MMD2: variants seen among roughly 807,000 people sequenced by gnomAD.
The protein encoded by MMD2 is monocyte to macrophage differentiation factor 2.
In MMD2, 30 loss-of-function variants were observed where a neutral mutation model predicts 33.5. The observed-to-expected ratio is 0.90, with a 90% CI of 0.67 to 1.22. MMD2 has a LOEUF of 1.22. MMD2 is among the 50% of genes most tolerant of loss of function. The pLI is 0.00. For synonymous variants in MMD2, 129 were observed against 123.0 expected (o/e 1.05, Z -0.32); for missense variants, 364 against 325.4 (o/e 1.12, Z -0.91).
chr7:4,937,725 C>G (rs1481161971), intron 1 of MMD2, among the ~76,000 whole-genome samples: 1 of 151,946 alleles, frequency 6.6e-6, no homozygotes, highest in Non-Finnish European at 1.5e-5. Flanking sequence ...CCAGGCTGGT[C>G]TCAAACTCCA....
chr7:4,908,868 C>T (rs954892866), intron 6 of MMD2, among the ~76,000 whole-genome samples: 21 of 147,102 alleles, frequency 1.4e-4, no homozygotes, highest in African/African-American at 4.9e-4. Flanking sequence ...CTGCATTCCA[C>T]GCTGGGCAAC....
intron 1 of MMD2, among the ~76,000 whole-genome samples, chr7:4,933,212 A>G (rs1785640988): frequency 6.6e-6 from 1 of 151,360 alleles, no homozygotes; most frequent in Non-Finnish European, 1.5e-5. Flanking sequence ...ATATTAAAAA[A>G]TTACCTGGGT....
Position 4,946,195 on chromosome 7 carries a change from CCA to C in MMD2, c.47+12774_47+12775del, listed in dbSNP as rs1009618666. Among the ~76,000 whole-genome samples the C allele has an allele frequency of 1.1e-4, 16 of 150,380 alleles. No individual in the cohort carries two copies. Among genetic ancestry groups the C allele is most frequent in the Middle Eastern group, 6.8e-3 (2 of 294 alleles). ...CACATGCACACACACGCGCGCACAC[CCA>C]CACACACGCATGCACACACATGCAC... On this transcript the variant is annotated intron_variant, in intron 1 of 6. Coordinates refer to ENST00000401401, the MANE Select transcript of MMD2 (RefSeq NM_198403.4). The surrounding 1 kb of genome is among the most constrained non-coding windows in gnomAD (Gnocchi z 5.0).
At chr7:4,939,829 C>T (rs1474976870) in intron 1 of MMD2, among the ~76,000 whole-genome samples, 1 of 151,666 alleles carries the variant, frequency 6.6e-6, no homozygotes, top group Non-Finnish European at 1.5e-5. Flanking sequence ...CAACCTCTGC[C>T]TTCCAGGTTC....
chr7:4,907,636 G>C, intron 6 of MMD2, 37 bp from the exon 7 acceptor site: 17 of 1,605,456 alleles, frequency 1.1e-5, no homozygotes, highest in Non-Finnish European at 1.3e-5. Context: ...CAGGTCAGAG[G>C]GGCAGTCAGT....
At chr7:4,893,553 G>A in the MMD2 span, among the ~76,000 whole-genome samples, 2,096 of 151,700 alleles carry the variant, frequency 0.014, 43 homozygotes, top group African/African-American at 0.047. Context: ...CACCACACCC[G>A]GCCAATTTTT....
chr7:4,903,253 A>G (rs780081126), downstream of MMD2, among the ~76,000 whole-genome samples: 9 of 151,958 alleles, frequency 5.9e-5, no homozygotes, highest in Non-Finnish European at 1.3e-4. Context: ...AAAACCAAAA[A>G]CAAACGAGAG....
At chr7:4,929,786 G>C (rs560581010) in intron 1 of MMD2, among the ~76,000 whole-genome samples, 1 of 152,002 alleles carries the variant, frequency 6.6e-6, no homozygotes, top group Admixed American at 6.6e-5. Flanking sequence ...GCCTCCCAAA[G>C]TGCTAGGACT....
intron 3 of MMD2, 98 bp from the exon 4 acceptor site, chr7:4,916,177 G>A (rs1466000257): frequency 3.6e-6 from 4 of 1,114,712 alleles, no homozygotes; most frequent in Non-Finnish European, 5.3e-6. Context: ...CCTGCCTACA[G>A]GTTAGCAGGG....
rs553309427 is a variant in MMD2 at position 4,916,371 on chromosome 7, C to CT, written c.291-293dup. Among the ~76,000 whole-genome samples the CT allele has an allele frequency of 3.4e-3, 219 of 64,782 alleles. 10 individuals are homozygous for CT. The highest frequency in any genetic ancestry group is 4.0e-3 in the Non-Finnish European group (150 of 37,280). 42.5% of individuals were successfully genotyped at this position (64,782 alleles called of 152,430 possible). A position where few individuals can be genotyped will look rare whatever the true frequency, so the allele number is the denominator to read the frequency against. On this transcript the variant is annotated intron_variant, in intron 3 of 6. Coordinates refer to ENST00000401401, the MANE Select transcript of MMD2 (RefSeq NM_198403.4). ...TAAGGATTGAACATCCTCCGTCCCA[C>CT]TTTTTTTTTTTTTTTTTTTTTTTTT...
rs576662854 is a variant in MMD2, at chr7:4,906,426, G to A, written c.*970C>T. The A allele has an allele frequency of 5.0e-6, 2 of 398,478 alleles. No individual in the cohort carries two copies. Among genetic ancestry groups the A allele is most frequent in the Non-Finnish European group, 8.8e-6 (2 of 226,078 alleles). 24.7% of individuals were successfully genotyped at this position (398,478 alleles called of 1,614,324 possible). On this transcript the variant is annotated 3_prime_UTR_variant, in exon 7 of 7. Transcript: ENST00000401401. ...TAACAGCCACTGATTGGCACCAAGA[G>A]AGAATCCAAATGTTGGCATCACAAA... is the stretch of plus-strand genomic sequence containing the variant.
Position 4,920,389 on chromosome 7 carries a change from T to C in MMD2, c.130-58A>G, listed in dbSNP as rs982169861. On this transcript the variant is annotated intron_variant, in intron 2 of 6. Transcript: ENST00000401401. ...GCAGCTGGGTGGCTCAGAGCACACC[T>C]CCTGCCCCTTCCCCGGCTGAGCTGC... 1.7e-4 allele frequency: 255 copies of C among 1,542,912 alleles called. 1 individual carries two copies. The highest frequency in any genetic ancestry group is 2.2e-4 in the Non-Finnish European group (247 of 1,137,648).
intron 2 of MMD2, among the ~76,000 whole-genome samples, chr7:4,921,311 T>C (rs1785278321): frequency 6.6e-6 from 1 of 151,942 alleles, no homozygotes; most frequent in Non-Finnish European, 1.5e-5. Context: ...ACCATTCAGC[T>C]TGTAAACAGG....
chr7:4,901,560 A>C (rs1323329834), downstream of MMD2, among the ~76,000 whole-genome samples: 2 of 152,266 alleles, frequency 1.3e-5, no homozygotes, highest in Non-Finnish European at 2.9e-5. Flanking sequence ...CACGGAGAGG[A>C]TAAGGGACAG....
chr7:4,917,093 C>G (rs1785160736), intron 3 of MMD2, among the ~76,000 whole-genome samples: 1 of 151,948 alleles, frequency 6.6e-6, no homozygotes, highest in Non-Finnish European at 1.5e-5. Context: ...GCAAAAACTA[C>G]TAAATTACGT....
In MMD2 at chr7:4,946,339, A is replaced by G. The variant is rs1204325894; in HGVS notation, c.47+12632T>C. Among the ~76,000 whole-genome samples, 2 of 152,194 alleles carry G rather than the reference A, an allele frequency of 1.3e-5. No homozygotes were observed. The highest frequency in any genetic ancestry group is 2.9e-5 in the Non-Finnish European group (2 of 68,042). On this transcript the variant is annotated intron_variant, in intron 1 of 6. Coordinates refer to ENST00000401401, the MANE Select transcript of MMD2 (RefSeq NM_198403.4). The surrounding 1 kb of genome is among the most constrained non-coding windows in gnomAD (Gnocchi z 5.0). ...GCCATGCTCCAAACATGGACGGATC[A>G]ATTTGTTTCCCTCTGCGGCCTTTCT...
At chr7:4,934,295 G>T (rs1240271186) in intron 1 of MMD2, among the ~76,000 whole-genome samples, 1 of 121,320 alleles carries the variant, frequency 8.2e-6, no homozygotes, top group East Asian at 1.9e-4. Context: ...GCGGAGACAG[G>T]GTTTTGCCAT....
chr7:4,910,007 C>T (rs776036343), intron 5 of MMD2, 57 bp from the exon 6 acceptor site: 8 of 1,613,842 alleles, frequency 5.0e-6, no homozygotes, highest in Non-Finnish European at 5.9e-6. Flanking sequence ...GAAGAAACTG[C>T]ACACAGCTCC....
In MMD2 at chr7:4,907,484, A is replaced by T. The variant is rs774348271; in HGVS notation, c.653T>A (p.Phe218Tyr). The change falls in exon 7 of 7, where the codon TTT (phenylalanine) becomes TAT (tyrosine). Residue 218 changes from phenylalanine to tyrosine, a missense_variant. Physicochemically the swap from Phe to Tyr is conservative, Grantham distance 22. Coordinates refer to ENST00000401401, the MANE Select transcript of MMD2 (RefSeq NM_198403.4). ...IPFAHAIWHL[F>Y]VAFGAGTHYY... ...GTGGGTACCAGCACCAAATGCTACA[A>T]AGAGATGCCAGATGGCGTGGGCAAA... The T allele has an allele frequency of 6.2e-7, 1 of 1,613,948 alleles. No individual in the cohort carries two copies. Among genetic ancestry groups the T allele is most frequent in the Non-Finnish European group, 8.5e-7 (1 of 1,179,902 alleles).
Sources: gnomAD v4.1 joint callset for allele counts (sites outside exome capture counted in the v4.1 genomes callset) on GRCh38, gnomAD v4.1.1 for gene constraint, Gnocchi (gnomAD v3.1) non-coding constraint, MANE v1.5 for transcripts, NCBI Gene and HGNC (gene_info 2026-07-23, HGNC 2026-07-21) for gene names.